The following UBE2L3 variants were observed in gnomAD, a reference collection of about 807,000 sequenced individuals.
UBE2L3 encodes ubiquitin conjugating enzyme E2 L3.
A neutral mutation model predicts 17.8 loss-of-function variants in UBE2L3; 1 was observed. The observed-to-expected ratio is 0.06, with a 90% CI of 0.02 to 0.27. The LOEUF (loss-of-function observed/expected upper bound fraction) is 0.27. UBE2L3 is among the 10% of genes least tolerant of loss of function. UBE2L3 has a pLI of 1.00. For missense variants in UBE2L3, 40 were observed against 192.6 expected (o/e 0.21, Z 4.69); for synonymous variants, 44 against 68.5 (o/e 0.64, Z 1.76).
chr22:21,611,586 G>C (rs1929483149), intron 3 of UBE2L3, among the ~76,000 whole-genome samples: 1 of 152,304 alleles, frequency 6.6e-6, no homozygotes, highest in South Asian at 2.1e-4. Flanking sequence ...GCTTTAGTGG[G>C]CCTGGGATTC....
At chr22:21,588,179 T>C (rs1274653457) in intron 1 of UBE2L3, among the ~76,000 whole-genome samples, 1 of 152,220 alleles carries the variant, frequency 6.6e-6, no homozygotes, top group African/African-American at 2.4e-5. Flanking sequence ...CATTCTTGGC[T>C]TTGGTCTTCC....
intron 1 of UBE2L3, among the ~76,000 whole-genome samples, chr22:21,573,055 C>G (rs1927072205): frequency 6.6e-6 from 1 of 152,156 alleles, no homozygotes; most frequent in Non-Finnish European, 1.5e-5. Context: ...GTGGTAGACA[C>G]CTGCATCGAG....
chr22:21,597,694 A>G (rs1462236126), intron 2 of UBE2L3, among the ~76,000 whole-genome samples: 1 of 149,884 alleles, frequency 6.7e-6, no homozygotes, highest in Non-Finnish European at 1.5e-5. Flanking sequence ...ATCCAAGGTC[A>G]TGCAAATTTT....
chr22:21,606,263 T>A (rs552823955), intron 2 of UBE2L3, among the ~76,000 whole-genome samples: 1 of 152,096 alleles, frequency 6.6e-6, no homozygotes, highest in Non-Finnish European at 1.5e-5. Context: ...TTTAGCAGAT[T>A]TCACCAACCA....
chr22:21,578,552 G>T (rs758907759), intron 1 of UBE2L3, among the ~76,000 whole-genome samples: 1 of 152,028 alleles, frequency 6.6e-6, no homozygotes, highest in East Asian at 1.9e-4. Flanking sequence ...GTCTGGTAGG[G>T]GGGTGCTGGA....
chr22:21,604,032 C>T (rs1232761331), intron 2 of UBE2L3, among the ~76,000 whole-genome samples: 1 of 151,322 alleles, frequency 6.6e-6, no homozygotes, highest in African/African-American at 2.4e-5. Flanking sequence ...CCACCTCGGC[C>T]TTCCAAAGTG....
intron 2 of UBE2L3, among the ~76,000 whole-genome samples, chr22:21,605,448 A>G (rs1929105487): frequency 6.6e-6 from 1 of 151,854 alleles, no homozygotes. Flanking sequence ...CGATCTCCTG[A>G]TCTCGTGATC....
intron 2 of UBE2L3, among the ~76,000 whole-genome samples, chr22:21,604,278 T>C (rs1216448698): frequency 2.6e-5 from 4 of 151,880 alleles, no homozygotes; most frequent in Admixed American, 6.6e-5. Flanking sequence ...CTTGGGTGGA[T>C]TTTTGAGCTC....
chr22:21,574,445 A>C (rs570613739), intron 1 of UBE2L3, among the ~76,000 whole-genome samples: 2 of 152,324 alleles, frequency 1.3e-5, no homozygotes, highest in East Asian at 3.9e-4. Context: ...ATTATTGGGA[A>C]TAACCAAGAC....
chr22:21,598,197 G>A (rs182497103), intron 2 of UBE2L3, among the ~76,000 whole-genome samples: 3 of 151,614 alleles, frequency 2.0e-5, no homozygotes, highest in South Asian at 2.1e-4. Flanking sequence ...TTTCATTAAT[G>A]TGTGTGTGTG....
At chr22:21,597,682 A>G (rs1323521142) in intron 2 of UBE2L3, among the ~76,000 whole-genome samples, 1 of 151,334 alleles carries the variant, frequency 6.6e-6, no homozygotes, top group Non-Finnish European at 1.5e-5. Flanking sequence ...CACTGTTGCC[A>G]AATCCAAGGT....
intron 2 of UBE2L3, among the ~76,000 whole-genome samples, chr22:21,593,355 A>G (rs16978728): frequency 0.031 from 4,667 of 152,154 alleles, 234 homozygotes; most frequent in African/African-American, 0.11. Flanking sequence ...TCATGTCTCT[A>G]ACCCTTTGGA....
At chr22:21,609,434 C>T (rs946190242) in intron 2 of UBE2L3, among the ~76,000 whole-genome samples, 2 of 152,108 alleles carry the variant, frequency 1.3e-5, no homozygotes, top group Admixed American at 6.5e-5. Flanking sequence ...AGTCTGGGTG[C>T]AGTGGCTCAC....
At chr22:21,570,605 T>G (rs1926911305) in intron 1 of UBE2L3, among the ~76,000 whole-genome samples, 1 of 152,166 alleles carries the variant, frequency 6.6e-6, no homozygotes, top group Admixed American at 6.6e-5. Flanking sequence ...AGCGGTGTGT[T>G]GTTTCTTAAG....
Position 21,623,308 on chromosome 22 carries a change from C to T in UBE2L3, c.*1639C>T, listed in dbSNP as rs1396234241. 2.0e-5 allele frequency: 3 copies of T among 152,670 alleles called. No individual in the cohort carries two copies. The East Asian group carries it at 5.6e-4, about 29-fold the overall frequency. 9.5% of individuals were successfully genotyped at this position (152,670 alleles called of 1,614,324 possible). On this transcript the variant is annotated 3_prime_UTR_variant, in exon 4 of 4. Coordinates refer to ENST00000342192, the MANE Select transcript of UBE2L3 (RefSeq NM_003347.4). ...GGCCCCTGCGGTGTGTACACGAACT[C>T]GGCTTCTTTTGTCCTAGGTACGCCA...
At chr22:21,558,449 G>A (rs1465488280) in intron 1 of UBE2L3, among the ~76,000 whole-genome samples, 14 of 152,208 alleles carry the variant, frequency 9.2e-5, no homozygotes, top group Non-Finnish European at 1.8e-4. Flanking sequence ...TGGCTAACAC[G>A]GTGAAACCCC....
upstream of UBE2L3, chr22:21,567,566 G>C (rs1162256168): frequency 6.5e-6 from 9 of 1,385,798 alleles, no homozygotes; most frequent in Non-Finnish European, 8.7e-6. Context: ...GGCCCAGTCT[G>C]TGCGGTTCAC....
At chr22:21,614,586 C>G (rs1432122173) in intron 3 of UBE2L3, 13 of 1,367,500 alleles carry the variant, frequency 9.5e-6, no homozygotes, top group Non-Finnish European at 1.2e-5. Context: ...TATGGCTTCT[C>G]TCAGATCCAG....
intron 1 of UBE2L3, among the ~76,000 whole-genome samples, chr22:21,558,934 T>C (rs1000003565): frequency 6.6e-6 from 1 of 151,896 alleles, no homozygotes; most frequent in Non-Finnish European, 1.5e-5. Context: ...ATGTGGCTGC[T>C]GTCCTTAGGG....
Sources: allele counts gnomAD v4.1 joint callset (sites outside exome capture counted in the v4.1 genomes callset), GRCh38; gene constraint gnomAD v4.1.1; transcripts MANE v1.5; gene names NCBI Gene and HGNC (gene_info 2026-07-23, HGNC 2026-07-21).